The following HPSE2 variants were observed in gnomAD, a reference collection of about 807,000 sequenced individuals.
The protein encoded by HPSE2 is inactive heparanase-2.
A neutral mutation model predicts 60.5 loss-of-function variants in HPSE2; 38 were observed. That is an observed-to-expected ratio of 0.63 (90% CI 0.48 to 0.82). The LOEUF (loss-of-function observed/expected upper bound fraction) is 0.82, where lower values mean the gene tolerates loss of function less well. Among genes scored for constraint, HPSE2 ranks in the 40% least tolerant of loss-of-function variants. The pLI is 0.00. For missense variants in HPSE2, 713 were observed against 740.4 expected (o/e 0.96, Z 0.43); for synonymous variants, 295 against 293.2 (o/e 1.01, Z -0.06).
intron 3 of HPSE2, among the ~76,000 whole-genome samples, chr10:98,939,965 C>T (rs1351999266): frequency 7.0e-6 from 1 of 143,664 alleles, no homozygotes; most frequent in Non-Finnish European, 1.5e-5. Flanking sequence ...AACTGAACAA[C>T]CTGCTCCTGA....
At chr10:98,958,863 T>C (rs1288169626) in intron 3 of HPSE2, among the ~76,000 whole-genome samples, 2 of 152,158 alleles carry the variant, frequency 1.3e-5, no homozygotes, top group Non-Finnish European at 2.9e-5. Flanking sequence ...AAGCATAATA[T>C]CAAATTAGGA....
At chr10:99,047,654 G>GAGA (rs963951364) in intron 3 of HPSE2, 3 of 747,638 alleles carry the variant, frequency 4.0e-6, no homozygotes, top group African/African-American at 3.5e-5. Context: ...TGGTGTAGAA[G>GAGA]AGAAGAAGAA....
Position 98,586,406 on chromosome 10 carries a change from A to G in HPSE2, c.1320+28498T>C, listed in dbSNP as rs374813109. Among the ~76,000 whole-genome samples, 73 of 152,344 alleles carry G rather than the reference A, an allele frequency of 4.8e-4. 2 individuals are homozygous for G. In the South Asian group the frequency reaches 0.014, roughly 30 times the overall value. On this transcript the variant is annotated intron_variant, in intron 9 of 11. Coordinates refer to ENST00000370552, the MANE Select transcript of HPSE2 (RefSeq NM_021828.5). ...CTTTAATGTCCTAAACGACATTCAC[A>G]TAGGCCACTATTACACCTTCTACAT...
At chr10:98,481,162 G>A (rs1181080205) in intron 11 of HPSE2, among the ~76,000 whole-genome samples, 1 of 152,172 alleles carries the variant, frequency 6.6e-6, no homozygotes, top group African/African-American at 2.4e-5. Context: ...AATCACTGCT[G>A]CAGAGTCAGC....
intron 11 of HPSE2, among the ~76,000 whole-genome samples, chr10:98,481,689 A>G (rs1158510493): frequency 1.3e-5 from 2 of 152,264 alleles, no homozygotes; most frequent in Admixed American, 1.3e-4. Context: ...AGCCAAATGC[A>G]AGCCACCAAG....
chr10:99,185,907 GA>G (rs1432993851), intron 2 of HPSE2, among the ~76,000 whole-genome samples: 1 of 151,898 alleles, frequency 6.6e-6, no homozygotes, highest in East Asian at 1.9e-4. Flanking sequence ...ATGCAAAGAG[GA>G]AAAAAGAGTG....
intron 3 of HPSE2, among the ~76,000 whole-genome samples, chr10:98,914,258 C>T (rs996778889): frequency 8.6e-5 from 13 of 152,046 alleles, no homozygotes; most frequent in African/African-American, 2.9e-4. Flanking sequence ...CCACCATCCA[C>T]GTAAAAATGT....
chr10:99,187,589 C>T (rs1385491901), intron 2 of HPSE2, among the ~76,000 whole-genome samples: 2 of 152,126 alleles, frequency 1.3e-5, no homozygotes, highest in Admixed American at 1.3e-4. Context: ...AGGATGTGAA[C>T]AGGAATTTCA....
chr10:99,132,145 G>A (rs1176059989), intron 3 of HPSE2, among the ~76,000 whole-genome samples: 1 of 23,960 alleles, frequency 4.2e-5, no homozygotes, highest in Admixed American at 7.7e-4. Context: ...AAGAAAGAAA[G>A]GAAGAAAGAA....
rs549825532 is a variant in HPSE2 at position 99,015,547 on chromosome 10, T to G, written c.610+128691A>C. 5.3e-5 allele frequency among the ~76,000 whole-genome samples: 8 copies of G among 152,058 alleles called. No homozygotes were observed. In the East Asian group the frequency reaches 1.4e-3, roughly 26 times the overall value. ...CATGGATGAAGCTGGAAACCATCAT[T>G]CTCAGCAAACTATCACAAGGACAAA... On this transcript the variant is annotated intron_variant, in intron 3 of 11. Transcript: ENST00000370552.
chr10:98,650,953 A>G (rs1230771058), intron 6 of HPSE2, among the ~76,000 whole-genome samples: 1 of 152,232 alleles, frequency 6.6e-6, no homozygotes, highest in Non-Finnish European at 1.5e-5. Context: ...GTTCAACTCT[A>G]GCCTGCATGA....
chr10:98,879,453 A>G (rs1952961088), intron 3 of HPSE2, among the ~76,000 whole-genome samples: 1 of 151,994 alleles, frequency 6.6e-6, no homozygotes, highest in Non-Finnish European at 1.5e-5. Flanking sequence ...ACCAGAAAAC[A>G]CTACTCTTGT....
At chr10:98,603,185 T>C (rs1404175035) in intron 9 of HPSE2, among the ~76,000 whole-genome samples, 1 of 152,030 alleles carries the variant, frequency 6.6e-6, no homozygotes, top group Non-Finnish European at 1.5e-5. Context: ...GACAGACAAA[T>C]ACAGGGAGTC....
intron 11 of HPSE2, among the ~76,000 whole-genome samples, chr10:98,467,092 C>T (rs980528523): frequency 6.6e-6 from 1 of 152,172 alleles, no homozygotes; most frequent in Non-Finnish European, 1.5e-5. Flanking sequence ...CATATGCCCT[C>T]CTCCTCCCTT....
At chr10:99,130,685 G>A (rs547325070) in intron 3 of HPSE2, among the ~76,000 whole-genome samples, 3 of 152,276 alleles carry the variant, frequency 2.0e-5, no homozygotes, top group African/African-American at 4.8e-5. Flanking sequence ...TAGTCAAAAA[G>A]TTAAAAGGAT....
At chr10:98,749,668 T>C (rs1039388120) in intron 3 of HPSE2, among the ~76,000 whole-genome samples, 1 of 150,902 alleles carries the variant, frequency 6.6e-6, no homozygotes, top group African/African-American at 2.4e-5. Context: ...TAGTATTCAA[T>C]AAATTACTTG....
intron 3 of HPSE2, among the ~76,000 whole-genome samples, chr10:98,964,801 G>A (rs894536029): frequency 1.5e-4 from 23 of 151,954 alleles, no homozygotes; most frequent in Admixed American, 7.9e-4. Context: ...TTAATTATAC[G>A]TCTTGTTATC....
At chr10:98,478,969 T>C (rs925248157) in intron 11 of HPSE2, among the ~76,000 whole-genome samples, 2 of 152,182 alleles carry the variant, frequency 1.3e-5, no homozygotes, top group African/African-American at 4.8e-5. Context: ...AAGAACCTTC[T>C]TGTGAATGTG....
intron 9 of HPSE2, 125 bp downstream of exon 9, chr10:98,614,779 T>A: frequency 1.3e-6 from 1 of 755,516 alleles, no homozygotes. Flanking sequence ...GGAATGTTTC[T>A]GTTCAATGAA....
Sources: gnomAD v4.1 joint callset for allele counts (sites outside exome capture counted in the v4.1 genomes callset) on GRCh38, gnomAD v4.1.1 for gene constraint, MANE v1.5 for transcripts, NCBI Gene and HGNC (gene_info 2026-07-23, HGNC 2026-07-21) for gene names.